The following EPB41L1 variants were observed in gnomAD, a reference collection of about 807,000 sequenced individuals.
The protein encoded by EPB41L1 is erythrocyte membrane protein band 4.1 like 1, also known as band 4.1-like protein 1.
Under a neutral mutation model 97.8 loss-of-function variants are expected in EPB41L1, and 29 were observed. That is an observed-to-expected ratio of 0.30 (90% CI 0.22 to 0.40). EPB41L1 has a LOEUF of 0.40. Among genes scored for constraint, EPB41L1 ranks in the 10% least tolerant of loss-of-function variants. The pLI, the probability that EPB41L1 is intolerant of heterozygous loss-of-function variation, is 1.00. For synonymous variants in EPB41L1, 383 were observed against 459.2 expected (o/e 0.83, Z 2.12); for missense variants, 812 against 1,162.3 (o/e 0.70, Z 4.38).
Position 36,209,615 on chromosome 20 carries a change from TG to T in EPB41L1, c.1798del (p.Ala600ProfsTer96). ...ACGGTGTTCCTGAAGGACAACCACC[TG>T]GCCATTGAGCGCAAGTGCTCCAGCA... ...RDTVFLKDNH[L>X]AIERKCSSIT... On this transcript the variant is annotated frameshift_variant, in exon 15 of 22. Coordinates refer to ENST00000338074, the MANE Select transcript of EPB41L1 (RefSeq NM_012156.2). This position sits in a 1 kb window ranked among gnomAD's most constrained non-coding sequence, Gnocchi z 4.2. 1 of 1,614,210 alleles carries T rather than the reference TG, an allele frequency of 6.2e-7. No individual in the cohort carries two copies. The highest frequency in any genetic ancestry group is 8.5e-7 in the Non-Finnish European group (1 of 1,180,040).
Position 36,209,566 on chromosome 20 carries a change from G to A in EPB41L1, c.1747G>A (p.Glu583Lys), listed in dbSNP as rs1334965145. 1.2e-6 allele frequency: 2 copies of A among 1,614,118 alleles called. No homozygotes were observed. The highest frequency in any genetic ancestry group is 8.5e-7 in the Non-Finnish European group (1 of 1,180,022). Residue 583 changes from glutamate (E) to lysine (K), a missense_variant, in exon 15 of 22, where the codon GAG becomes AAG. By Grantham distance (56) the Glu-to-Lys change is moderately conservative. This residue lies in a region of EPB41L1 where 498 missense variants were observed against 622.7 expected (regional missense o/e 0.80). Coordinates refer to ENST00000338074, the MANE Select transcript of EPB41L1 (RefSeq NM_012156.2). This position sits in a 1 kb window ranked among gnomAD's most constrained non-coding sequence, Gnocchi z 4.2. ...GGCCCCAGAGAGTGACACAGGCGAT[G>A]AGGACCAGGACCAGGAGAGGGACAC... is the stretch of plus-strand genomic sequence containing the variant. ...PRAPESDTGD[E>K]DQDQERDTVF... is the part of the protein sequence containing the mutation.
chr20:36,158,525 G>A (rs1434068799), intron 1 of EPB41L1, among the ~76,000 whole-genome samples: 1 of 152,160 alleles, frequency 6.6e-6, no homozygotes, highest in Admixed American at 6.5e-5. Flanking sequence ...AAGAGTGGGC[G>A]GTCTGATGTG....
At chr20:36,189,029 G>A (rs146066611) in intron 9 of EPB41L1, among the ~76,000 whole-genome samples, 1,539 of 152,156 alleles carry the variant, frequency 0.01, 38 homozygotes, top group African/African-American at 0.035. Flanking sequence ...ACACAGACTC[G>A]ACTATACATA....
intron 21 of EPB41L1, among the ~76,000 whole-genome samples, chr20:36,225,782 C>T (rs1015940760): frequency 2.6e-5 from 4 of 152,126 alleles, no homozygotes; most frequent in Admixed American, 6.6e-5. Flanking sequence ...CCCAGGCTCC[C>T]GCCTTCCCAT....
intron 21 of EPB41L1, 97 bp downstream of exon 21, chr20:36,222,491 C>T: frequency 2.0e-6 from 2 of 990,016 alleles, no homozygotes; most frequent in Non-Finnish European, 3.2e-6. Flanking sequence ...GTGGCTTGAC[C>T]CCTAGTGCAG....
At chr20:36,186,609 G>A (rs1015115380) in intron 7 of EPB41L1, among the ~76,000 whole-genome samples, 2 of 152,134 alleles carry the variant, frequency 1.3e-5, no homozygotes, top group Non-Finnish European at 2.9e-5. Context: ...CAATGCCCAG[G>A]TTAGCAATAT....
chr20:36,162,174 T>C (rs1426729407), intron 1 of EPB41L1, among the ~76,000 whole-genome samples: 1 of 152,232 alleles, frequency 6.6e-6, no homozygotes. Flanking sequence ...GGATTCCAGC[T>C]CTGGCTCATA....
At chr20:36,135,237 T>C (rs1170104000) in intron 2 of EPB41L1, among the ~76,000 whole-genome samples, 3 of 152,188 alleles carry the variant, frequency 2.0e-5, no homozygotes. Context: ...CTTAAAACCA[T>C]ATGAGGTATG....
chr20:36,150,131 G>A (rs1483500546), upstream of EPB41L1, among the ~76,000 whole-genome samples: 1 of 150,240 alleles, frequency 6.7e-6, no homozygotes, highest in Non-Finnish European at 1.5e-5. Context: ...GCAATAGCAC[G>A]ATCTCAGCTT....
chr20:36,176,515 C>T (rs2061238458), intron 3 of EPB41L1, among the ~76,000 whole-genome samples: 1 of 152,206 alleles, frequency 6.6e-6, no homozygotes. Flanking sequence ...TTTTCTCTCC[C>T]ATGCACTGAT....
intron 1 of EPB41L1, among the ~76,000 whole-genome samples, chr20:36,101,106 C>T (rs1321951533): frequency 6.6e-6 from 1 of 152,230 alleles, no homozygotes; most frequent in Non-Finnish European, 1.5e-5. Flanking sequence ...TTACTTTTGT[C>T]TCCTCACAAG....
At chr20:36,173,729 C>G in intron 1 of EPB41L1, 35 bp from the exon 2 acceptor site, 8 of 1,602,244 alleles carry the variant, frequency 5.0e-6, no homozygotes, top group Non-Finnish European at 6.8e-6. Flanking sequence ...ATTGCTGTCC[C>G]TCCCTGTCAC....
chr20:36,217,534 A>G (rs892374238), intron 17 of EPB41L1, among the ~76,000 whole-genome samples: 2 of 152,106 alleles, frequency 1.3e-5, no homozygotes, highest in Non-Finnish European at 1.5e-5. Context: ...CTCTGTTTTT[A>G]GTGTGAAGGT....
In EPB41L1 at chr20:36,214,347, C is replaced by T. The variant is rs1417211775; in HGVS notation, c.2185-10C>T. 1 of 1,613,334 alleles carries T rather than the reference C, an allele frequency of 6.2e-7. No homozygotes were observed. The highest frequency in any genetic ancestry group is 1.7e-5 in the Admixed American group (1 of 59,996). ...CTCTCCCCAGCTCTAACGACTCCTC[C>T]TCTGGTCAGCAGGTTGATGGGAGTG... On this transcript the variant is annotated splice_polypyrimidine_tract_variant and intron_variant, in intron 16 of 21. Transcript: ENST00000338074.
chr20:36,173,831 C>T lies in EPB41L1; in HGVS notation c.54C>T (p.Ala18=). The T allele has an allele frequency of 6.2e-7, 1 of 1,613,772 alleles. No individual in the cohort carries two copies. Among genetic ancestry groups the T allele is most frequent in the Non-Finnish European group, 8.5e-7 (1 of 1,179,818 alleles). ...DSEVKKAQEE[A]PQQPEAAAAV... ...AGGTGAAGAAAGCTCAGGAGGAGGC[C>T]CCGCAGCAGCCCGAGGCTGCTGCCG... Residue 18 remains alanine (A), a synonymous_variant, in exon 2 of 22, where the codon GCC becomes GCT. Transcript: ENST00000338074.
chr20:36,148,629 G>A (rs947756533), intron 2 of EPB41L1: 2 of 152,290 alleles, frequency 1.3e-5, no homozygotes, highest in Admixed American at 1.3e-4. Context: ...AGCAGAGCCA[G>A]ACCAGATCCT....
At chr20:36,116,398 C>T (rs535369261) in intron 2 of EPB41L1, among the ~76,000 whole-genome samples, 2 of 152,300 alleles carry the variant, frequency 1.3e-5, no homozygotes, top group East Asian at 3.9e-4. Context: ...TTCTTCCAGA[C>T]TGTTCTCTTC....
chr20:36,107,517 C>CT (rs35325837), intron 1 of EPB41L1, among the ~76,000 whole-genome samples: 26,366 of 132,302 alleles, frequency 0.2, 2,685 homozygotes, highest in Middle Eastern at 0.27. Context: ...CCGTGCCCGG[C>CT]TTTTTTTTTT....
chr20:36,168,555 G>A (rs2060836904), intron 1 of EPB41L1, among the ~76,000 whole-genome samples: 1 of 149,148 alleles, frequency 6.7e-6, no homozygotes, highest in African/African-American at 2.5e-5. Context: ...TTTTTTAGAT[G>A]GAGTCTTCCT....
Sources: gnomAD v4.1 joint callset for allele counts (sites outside exome capture counted in the v4.1 genomes callset) on GRCh38, gnomAD v4.1.1 for gene constraint, gnomAD v4.1.1 regional missense constraint, Gnocchi (gnomAD v3.1) non-coding constraint, MANE v1.5 for transcripts, NCBI Gene and HGNC (gene_info 2026-07-23, HGNC 2026-07-21) for gene names.